Variants in CCNY observed in about 807,000 individuals in gnomAD.
CCNY encodes the protein cyclin Y, also known as cyclin-Y.
In CCNY, 19 loss-of-function variants were observed where a neutral mutation model predicts 42.8. The ratio of observed to expected loss-of-function variants is 0.44; its 90% CI spans 0.31 to 0.65. CCNY has a LOEUF of 0.65. Among genes scored for constraint, CCNY ranks in the 30% least tolerant of loss-of-function variants. The pLI is 0.07. For synonymous variants in CCNY, 165 were observed against 162.7 expected, an observed-to-expected ratio of 1.01 and a Z score of -0.11; for missense variants, 370 against 437.3, an observed-to-expected ratio of 0.85 and a Z score of 1.37.
rs1247341012 is a variant in CCNY, at chr10:35,513,336, C to T, written c.265-3187C>T. On this transcript the variant is annotated intron_variant, in intron 3 of 9. Coordinates refer to ENST00000374704, the MANE Select transcript of CCNY (RefSeq NM_145012.6). ...TTCGTGGTTAACTCTGTAGTATCTGCGCTCTCACCAAGACACTTACTGTAT... is the reference window on the plus strand; with the variant it reads ...TTCGTGGTTAACTCTGTAGTATCTGTGCTCTCACCAAGACACTTACTGTAT... Among the ~76,000 whole-genome samples the T allele has an allele frequency of 4.6e-5, 7 of 152,074 alleles. No homozygotes were observed. The East Asian group carries it at 5.8e-4, about 13-fold the overall frequency.
chr10:35,419,066 G>A (rs1838095617), intron 1 of CCNY, among the ~76,000 whole-genome samples: 1 of 152,032 alleles, frequency 6.6e-6, no homozygotes, highest in Non-Finnish European at 1.5e-5. Context: ...TGATCAACCC[G>A]CCTCCCAAAG....
intron 3 of CCNY, among the ~76,000 whole-genome samples, chr10:35,325,885 C>T (rs919931495): frequency 1.3e-5 from 2 of 151,988 alleles, no homozygotes; most frequent in Admixed American, 6.6e-5. Flanking sequence ...TCGAGACCAG[C>T]CTGGGCAACA....
chr10:35,498,422 G>T (rs1188512528), intron 2 of CCNY, among the ~76,000 whole-genome samples: 1 of 152,134 alleles, frequency 6.6e-6, no homozygotes, highest in East Asian at 1.9e-4. Context: ...CTTGCAACAG[G>T]CCCTTTAAGG....
chr10:35,291,117 C>G (rs942181497), intron 3 of CCNY, among the ~76,000 whole-genome samples: 1 of 151,920 alleles, frequency 6.6e-6, no homozygotes, highest in African/African-American at 2.4e-5. Context: ...GCGATTCTCC[C>G]ACCTCAGCCT....
chr10:35,265,207 A>G (rs1053281597), intron 3 of CCNY, among the ~76,000 whole-genome samples: 1 of 152,242 alleles, frequency 6.6e-6, no homozygotes, highest in Non-Finnish European at 1.5e-5. Context: ...AATCTTCACA[A>G]TCAAACGACT....
intron 8 of CCNY, among the ~76,000 whole-genome samples, chr10:35,557,573 T>C (rs778153184): frequency 6.6e-6 from 1 of 151,798 alleles, no homozygotes; most frequent in African/African-American, 2.4e-5. Context: ...CTGGCCAACA[T>C]GGTGAAATGC....
intron 3 of CCNY, among the ~76,000 whole-genome samples, chr10:35,298,884 G>T (rs1042170531): frequency 6.6e-6 from 1 of 151,910 alleles, no homozygotes; most frequent in Non-Finnish European, 1.5e-5. Flanking sequence ...ATGAATATTT[G>T]GTTGGTTGTT....
rs987977316 is a variant in CCNY, at chr10:35,548,294, A to G, written c.580-4725A>G. Among the ~76,000 whole-genome samples the G allele has an allele frequency of 3.2e-4, 47 of 144,830 alleles. 2 individuals are homozygous for G. Among genetic ancestry groups the G allele is most frequent in the Admixed American group, 6.2e-4 (9 of 14,462 alleles). ...TAAATATAAATATATATATTTATGT[A>G]TATATATATATATATATTTTATGAG... On this transcript the variant is annotated intron_variant, in intron 7 of 9. Transcript: ENST00000374704.
chr10:35,540,097 G>A (rs1276141680), intron 7 of CCNY, among the ~76,000 whole-genome samples: 2 of 152,114 alleles, frequency 1.3e-5, no homozygotes, highest in Non-Finnish European at 2.9e-5. Context: ...AGTACCTCTA[G>A]TAAAGTGTTG....
At chr10:35,501,838 T>G (rs1840116926) in intron 3 of CCNY, among the ~76,000 whole-genome samples, 1 of 152,192 alleles carries the variant, frequency 6.6e-6, no homozygotes, top group Non-Finnish European at 1.5e-5. Flanking sequence ...TAATTTTGAA[T>G]CCTTTCCTTT....
At chr10:35,419,994 C>T (rs1838126156) in intron 1 of CCNY, among the ~76,000 whole-genome samples, 1 of 126,252 alleles carries the variant, frequency 7.9e-6, no homozygotes, top group African/African-American at 3.0e-5. Context: ...TGGTTTCTTT[C>T]TTATCTAGTT....
intron 1 of CCNY, among the ~76,000 whole-genome samples, chr10:35,375,589 G>T (rs1285013627): frequency 6.6e-6 from 1 of 152,302 alleles, no homozygotes; most frequent in Non-Finnish European, 1.5e-5. Flanking sequence ...ATTTTGTGGG[G>T]TACTGAAGTT....
At chr10:35,472,374 G>A (rs527614745) in intron 1 of CCNY, among the ~76,000 whole-genome samples, 1 of 152,246 alleles carries the variant, frequency 6.6e-6, no homozygotes, top group Admixed American at 6.5e-5. Flanking sequence ...GAATGATTCC[G>A]AGAACTCCTG....
intron 1 of CCNY, among the ~76,000 whole-genome samples, chr10:35,438,112 C>G (rs1365583533): frequency 6.6e-6 from 1 of 151,822 alleles, no homozygotes; most frequent in Non-Finnish European, 1.5e-5. Context: ...ACTGCTGTGG[C>G]CCTGCTTATT....
chr10:35,531,910 A>T (rs1840777329), intron 7 of CCNY, among the ~76,000 whole-genome samples: 1 of 152,238 alleles, frequency 6.6e-6, no homozygotes, highest in Non-Finnish European at 1.5e-5. Flanking sequence ...TGCCCTCTGC[A>T]TCACTCACCA....
In CCNY at chr10:35,337,117, C is replaced by T; in HGVS notation, c.64C>T (p.Arg22Trp). The T allele has an allele frequency of 3.1e-6, 5 of 1,592,588 alleles. No homozygotes were observed. The highest frequency in any genetic ancestry group is 4.3e-6 in the Non-Finnish European group (5 of 1,171,566). The stretch of plus-strand genomic sequence containing the variant: ...CAAGCTCCGGAGGAATGCCCACTCC[C>T]GGCTGGAGTCCTACCGGCCAGACAC... ...SPKLRRNAHS[R>W]LESYRPDTDL... Residue 22 changes from arginine to tryptophan, a missense_variant, in exon 1 of 10, where the codon CGG becomes TGG. Coordinates refer to ENST00000374704, the MANE Select transcript of CCNY (RefSeq NM_145012.6).
upstream of CCNY, among the ~76,000 whole-genome samples, chr10:35,333,692 G>GT (rs1835972825): frequency 6.6e-6 from 1 of 152,178 alleles, no homozygotes; most frequent in African/African-American, 2.4e-5. Flanking sequence ...AGATTTAGAT[G>GT]TAAGAAATAG....
chr10:35,527,929 C>T (rs1432587906), intron 5 of CCNY, among the ~76,000 whole-genome samples: 3 of 152,192 alleles, frequency 2.0e-5, no homozygotes, highest in Admixed American at 6.5e-5. Context: ...AGGAAACAGT[C>T]TACTTCTCAG....
At chr10:35,524,369 A>C (rs954062244) in intron 4 of CCNY, among the ~76,000 whole-genome samples, 9 of 152,238 alleles carry the variant, frequency 5.9e-5, no homozygotes, top group African/African-American at 2.2e-4. Context: ...AGTACTTTCA[A>C]CTAGGCTGAA....
Sources: allele counts gnomAD v4.1 joint callset (sites outside exome capture counted in the v4.1 genomes callset), GRCh38; gene constraint gnomAD v4.1.1; transcripts MANE v1.5; gene names NCBI Gene and HGNC (gene_info 2026-07-23, HGNC 2026-07-21).